CHODL: variants seen among roughly 807,000 people sequenced by gnomAD.
The protein encoded by CHODL is transmembrane protein MT75.
CHODL carries 29 observed loss-of-function variants against 34.5 expected under a neutral mutation model. The ratio of observed to expected loss-of-function variants is 0.84; its 90% CI spans 0.63 to 1.15. CHODL has a LOEUF of 1.15. Among genes scored for constraint, CHODL ranks in the 50% most tolerant of loss-of-function variants. The probability of loss-of-function intolerance (pLI) is 0.00; values close to 1 mark genes in which losing one functional copy is unlikely to be tolerated. For missense variants in CHODL, 332 were observed against 332.5 expected, an observed-to-expected ratio of 1.00 and a Z score of 0.01; for synonymous variants, 125 against 116.1, an observed-to-expected ratio of 1.08 and a Z score of -0.49.
intron 2 of CHODL, among the ~76,000 whole-genome samples, chr21:18,126,893 C>G (rs182793463): frequency 1.6e-3 from 242 of 152,312 alleles, no homozygotes; most frequent in African/African-American, 5.4e-3. Flanking sequence ...TTAAGGAACT[C>G]TCACCAGACT....
At chr21:18,257,610 A>C (rs2074333048) in intron 3 of CHODL, among the ~76,000 whole-genome samples, 1 of 152,114 alleles carries the variant, frequency 6.6e-6, no homozygotes, top group African/African-American at 2.4e-5. Flanking sequence ...ACTCAGTAAA[A>C]AGAAGACTGT....
intron 1 of CHODL, among the ~76,000 whole-genome samples, chr21:18,008,314 G>A (rs987882214): frequency 8.8e-4 from 12 of 13,706 alleles, no homozygotes; most frequent in African/African-American, 5.8e-3. Context: ...TTCTTTGTTT[G>A]TGTGTGTGTG....
chr21:18,235,612 A>G (rs1255443846), intron 2 of CHODL, among the ~76,000 whole-genome samples: 4 of 152,138 alleles, frequency 2.6e-5, no homozygotes, highest in Non-Finnish European at 5.9e-5. Context: ...GGATAATATG[A>G]TCAAATAATT....
At chr21:17,965,173 C>T (rs1261624524) in intron 1 of CHODL, among the ~76,000 whole-genome samples, 2 of 152,142 alleles carry the variant, frequency 1.3e-5, no homozygotes, top group Non-Finnish European at 2.9e-5. Flanking sequence ...CTCTCTACCT[C>T]CTCAAATGTA....
chr21:17,957,847 T>G (rs2063504213), intron 1 of CHODL, among the ~76,000 whole-genome samples: 1 of 151,884 alleles, frequency 6.6e-6, no homozygotes, highest in African/African-American at 2.4e-5. Context: ...TGTTTTGGAC[T>G]TGGGAGTGTC....
chr21:18,085,912 G>A (rs2065000583), intron 2 of CHODL, among the ~76,000 whole-genome samples: 2 of 151,918 alleles, frequency 1.3e-5, no homozygotes, highest in Non-Finnish European at 2.9e-5. Context: ...GCAAGACATG[G>A]GAAGTTTTCA....
intron 2 of CHODL, among the ~76,000 whole-genome samples, chr21:18,091,065 A>T (rs565219644): frequency 6.6e-6 from 1 of 152,140 alleles, no homozygotes; most frequent in Non-Finnish European, 1.5e-5. Flanking sequence ...CACCTGGGGG[A>T]CTTTGCATTG....
intron 1 of CHODL, among the ~76,000 whole-genome samples, chr21:18,020,439 T>G (rs555933705): frequency 6.6e-6 from 1 of 152,174 alleles, no homozygotes; most frequent in Non-Finnish European, 1.5e-5. Context: ...TTAAGCATAG[T>G]CTATTTGAAC....
chr21:18,073,033 CAAT>C (rs1475660979), intron 2 of CHODL, among the ~76,000 whole-genome samples: 3 of 152,062 alleles, frequency 2.0e-5, no homozygotes, highest in Non-Finnish European at 4.4e-5. Context: ...TCTTCAGTAA[CAAT>C]AACATTTAGA....
chr21:18,028,230 C>T (rs2064199058), intron 2 of CHODL, among the ~76,000 whole-genome samples: 3 of 116,682 alleles, frequency 2.6e-5, no homozygotes, highest in African/African-American at 3.5e-5. Flanking sequence ...CTCCCCTCCC[C>T]TCCCCTTCCC....
At chr21:18,040,818 TC>T (rs201149036) in intron 2 of CHODL, among the ~76,000 whole-genome samples, 1 of 150,528 alleles carries the variant, frequency 6.6e-6, no homozygotes, top group Non-Finnish European at 1.5e-5. Context: ...GGTAAAAAAA[TC>T]AGATGATATA....
At chr21:18,257,873 A>G (rs2074336041) in intron 3 of CHODL, among the ~76,000 whole-genome samples, 1 of 152,202 alleles carries the variant, frequency 6.6e-6, no homozygotes, top group African/African-American at 2.4e-5. Flanking sequence ...AAGAGGGACT[A>G]ATACAAACTC....
intron 2 of CHODL, among the ~76,000 whole-genome samples, chr21:18,073,232 A>G (rs570682457): frequency 4.6e-5 from 7 of 152,290 alleles, no homozygotes; most frequent in African/African-American, 1.7e-4. Context: ...CAAGGTTAGT[A>G]CTAGCTTAAA....
intron 2 of CHODL, among the ~76,000 whole-genome samples, chr21:18,094,604 C>A (rs539387122): frequency 1.3e-5 from 2 of 151,824 alleles, no homozygotes; most frequent in South Asian, 4.2e-4. Flanking sequence ...TCTGAATAAC[C>A]AGGGGGTCAA....
intron 2 of CHODL, among the ~76,000 whole-genome samples, chr21:18,194,234 C>T (rs2073553757): frequency 6.6e-6 from 1 of 152,172 alleles, no homozygotes; most frequent in Non-Finnish European, 1.5e-5. Flanking sequence ...CCCCATCCTT[C>T]TCCCCAAATT....
intron 2 of CHODL, among the ~76,000 whole-genome samples, chr21:18,194,773 G>T (rs989182512): frequency 2.0e-5 from 3 of 151,880 alleles, no homozygotes; most frequent in Non-Finnish European, 1.5e-5. Context: ...GGAAATTTAA[G>T]ATCTATTCCT....
At chr21:17,946,888 C>A (rs555292357) in intron 1 of CHODL, among the ~76,000 whole-genome samples, 2 of 152,074 alleles carry the variant, frequency 1.3e-5, no homozygotes, top group African/African-American at 4.8e-5. Flanking sequence ...GAATTTAATC[C>A]ATTTATTTTC....
rs1349418036 is a variant in CHODL, at chr21:18,262,774, A to G, written c.635-17A>G. On this transcript the variant is annotated splice_polypyrimidine_tract_variant and intron_variant, in intron 4 of 5. Coordinates refer to ENST00000299295, the MANE Select transcript of CHODL (RefSeq NM_024944.3). ...TCCTCAACTATCTTTTCACATGAAG[A>G]CTGTTTTATTTTGTAGGTATAATTC... 7.5e-7 allele frequency: 1 copy of G among 1,325,800 alleles called. No homozygotes were observed. The highest frequency in any genetic ancestry group is 1.4e-5 in the African/African-American group (1 of 69,050). 82.1% of individuals were successfully genotyped at this position (1,325,800 alleles called of 1,614,324 possible).
intron 2 of CHODL, among the ~76,000 whole-genome samples, chr21:18,036,703 A>G (rs2064315119): frequency 6.6e-6 from 1 of 151,838 alleles, no homozygotes. Flanking sequence ...AGCTTTTCTA[A>G]TTTTTTTCTG....
Sources: gnomAD v4.1 joint callset for allele counts (sites outside exome capture counted in the v4.1 genomes callset) on GRCh38, gnomAD v4.1.1 for gene constraint, MANE v1.5 for transcripts, NCBI Gene and HGNC (gene_info 2026-07-23, HGNC 2026-07-21) for gene names.